UBE2W: variants seen among roughly 807,000 people sequenced by gnomAD.
The protein encoded by UBE2W is ubiquitin conjugating enzyme E2 W.
In UBE2W, 18 loss-of-function variants were observed where a neutral mutation model predicts 27.2. That is an observed-to-expected ratio of 0.66 (90% CI 0.46 to 0.98). The LOEUF (loss-of-function observed/expected upper bound fraction) is 0.98, where lower values mean the gene tolerates loss of function less well. Among genes scored for constraint, UBE2W ranks in the 50% least tolerant of loss-of-function variants. The pLI, the probability that UBE2W is intolerant of heterozygous loss-of-function variation, is 0.00. For missense variants in UBE2W, 90 were observed against 180.2 expected (o/e 0.50, Z 2.87); for synonymous variants, 53 against 57.2 (o/e 0.93, Z 0.33).
chr8:73,799,131 G>A (rs914886749), intron 5 of UBE2W, among the ~76,000 whole-genome samples: 1 of 152,072 alleles, frequency 6.6e-6, no homozygotes, highest in Non-Finnish European at 1.5e-5. Flanking sequence ...ATAAAGAAAT[G>A]TGCAGTCACT....
chr8:73,803,403 A>C (rs28683577), intron 5 of UBE2W, among the ~76,000 whole-genome samples: 17,630 of 152,166 alleles, frequency 0.12, 1,251 homozygotes, highest in Middle Eastern at 0.16. Flanking sequence ...ACTGGGCCTA[A>C]ATAAGAGGAA....
Position 73,788,965 on chromosome 8 carries a change from AT to A in UBE2W, c.*5136del. On this transcript the variant is annotated 3_prime_UTR_variant, in exon 6 of 6. Transcript: ENST00000602593. ...CCCTCAGATATTTTATTAACAAAAA[AT>A]TTTTCATAAAAAAATAGTCATTTAA... 2 of 983,160 alleles carry A rather than the reference AT, an allele frequency of 2.0e-6. No homozygotes were observed. Among genetic ancestry groups the A allele is most frequent in the Non-Finnish European group, 2.4e-6 (2 of 827,978 alleles). 60.9% of individuals were successfully genotyped at this position (983,160 alleles called of 1,614,324 possible).
chr8:73,850,139 T>C (rs1811010267), intron 1 of UBE2W, among the ~76,000 whole-genome samples: 1 of 152,136 alleles, frequency 6.6e-6, no homozygotes, highest in Non-Finnish European at 1.5e-5. Context: ...AGACATTTAA[T>C]AGAAGAGCCA....
At chr8:73,819,493 C>T (rs948031514) in intron 3 of UBE2W, among the ~76,000 whole-genome samples, 1 of 152,208 alleles carries the variant, frequency 6.6e-6, no homozygotes, top group Non-Finnish European at 1.5e-5. Context: ...TCTCCCCTCT[C>T]TCAAGAAACA....
intron 5 of UBE2W, among the ~76,000 whole-genome samples, chr8:73,804,342 A>T (rs918939933): frequency 6.6e-6 from 1 of 151,596 alleles, no homozygotes; most frequent in African/African-American, 2.4e-5. Flanking sequence ...GTATACAAAA[A>T]TCACAGGGGA....
chr8:73,873,064 C>T (rs529902059), intron 1 of UBE2W, among the ~76,000 whole-genome samples: 31 of 152,116 alleles, frequency 2.0e-4, no homozygotes, highest in African/African-American at 7.0e-4. Context: ...CTCTACCACG[C>T]CTGGCTAATT....
chr8:73,826,755 T>C (rs1809852644), intron 2 of UBE2W, among the ~76,000 whole-genome samples: 1 of 152,234 alleles, frequency 6.6e-6, no homozygotes, highest in Admixed American at 6.5e-5. Flanking sequence ...GAACAAGTTA[T>C]GTTATCTCTC....
intron 1 of UBE2W, among the ~76,000 whole-genome samples, chr8:73,874,940 G>C (rs1295782559): frequency 6.6e-6 from 1 of 152,100 alleles, no homozygotes; most frequent in East Asian, 1.9e-4. Context: ...AGGAGGCTGA[G>C]ATGGAAAAGA....
At chr8:73,827,817 T>A (rs1387733112) in intron 2 of UBE2W, among the ~76,000 whole-genome samples, 1 of 152,116 alleles carries the variant, frequency 6.6e-6, no homozygotes, top group Non-Finnish European at 1.5e-5. Context: ...AGCATTGAGA[T>A]TACAGGCATG....
chr8:73,842,402 G>A (rs925679756), intron 1 of UBE2W, among the ~76,000 whole-genome samples: 11 of 151,630 alleles, frequency 7.3e-5, no homozygotes, highest in East Asian at 3.9e-4. Flanking sequence ...GGTGGCGGGC[G>A]CCTGTAGTCC....
intron 4 of UBE2W, 149 bp from the exon 5 acceptor site, chr8:73,805,875 A>T: frequency 2.1e-6 from 1 of 466,200 alleles, no homozygotes; most frequent in Non-Finnish European, 3.8e-6. Flanking sequence ...CTATAAATGT[A>T]TTCCAGGAAA....
At chr8:73,781,959 T>G (rs1807854777), downstream of UBE2W, among the ~76,000 whole-genome samples, 1 of 63,600 alleles carries the variant, frequency 1.6e-5, no homozygotes, top group African/African-American at 6.3e-5. Context: ...TTTTTTTTTT[T>G]GAGACAGAGT....
intron 1 of UBE2W, among the ~76,000 whole-genome samples, chr8:73,878,100 T>C (rs1284851041): frequency 2.0e-5 from 3 of 151,972 alleles, no homozygotes; most frequent in Admixed American, 6.6e-5. Context: ...TTAAGGGGGC[T>C]GAGGACTCGG....
In UBE2W at chr8:73,786,913, CA is replaced by C; in HGVS notation, c.*7188del. On this transcript the variant is annotated 3_prime_UTR_variant, in exon 6 of 6. Transcript: ENST00000602593. Reference sequence around the variant, plus strand: ...ATATGTTTTCATTGAGGTATGGAAACATAAAATTTTAATGTTGAATTGGCTA... The same window carrying C: ...ATATGTTTTCATTGAGGTATGGAAACTAAAATTTTAATGTTGAATTGGCTA... 1.0e-6 allele frequency: 1 copy of C among 985,278 alleles called. No individual in the cohort carries two copies. The highest frequency in any genetic ancestry group is 1.2e-6 in the Non-Finnish European group (1 of 829,874). 61.0% of individuals were successfully genotyped at this position (985,278 alleles called of 1,614,324 possible).
intron 1 of UBE2W, among the ~76,000 whole-genome samples, chr8:73,839,601 G>A: frequency 6.6e-6 from 1 of 151,126 alleles, no homozygotes; most frequent in Non-Finnish European, 1.5e-5. Context: ...AGTTTGCAGT[G>A]AGCCGAGATC....
chr8:73,808,009 A>G (rs1808990967), intron 4 of UBE2W, among the ~76,000 whole-genome samples: 1 of 152,210 alleles, frequency 6.6e-6, no homozygotes, highest in Non-Finnish European at 1.5e-5. Context: ...AATCCACTAC[A>G]ATCTAATGAC....
downstream of UBE2W, among the ~76,000 whole-genome samples, chr8:73,785,743 C>G (rs1807935207): frequency 2.0e-5 from 3 of 152,026 alleles, no homozygotes; most frequent in Admixed American, 1.3e-4. Flanking sequence ...AGGCGCCCAC[C>G]ACCACGCCGT....
At chr8:73,875,714 T>C (rs887838110) in intron 1 of UBE2W, among the ~76,000 whole-genome samples, 6 of 152,202 alleles carry the variant, frequency 3.9e-5, no homozygotes, top group Non-Finnish European at 7.3e-5. Context: ...TTCCTAGTCT[T>C]CTTCCATGCT....
At chr8:73,870,343 A>T in intron 1 of UBE2W, 1 of 1,549,430 alleles carries the variant, frequency 6.5e-7, no homozygotes, top group East Asian at 2.4e-5. Flanking sequence ...CATGGTCATA[A>T]AGGAAATCTA....
Sources: allele counts gnomAD v4.1 joint callset (sites outside exome capture counted in the v4.1 genomes callset), GRCh38; gene constraint gnomAD v4.1.1; transcripts MANE v1.5; gene names NCBI Gene and HGNC (gene_info 2026-07-23, HGNC 2026-07-21).